PRDM11: variants seen among roughly 807,000 people sequenced by gnomAD.
PRDM11 encodes PR/SET domain 11, also known as PR domain-containing protein 11.
Under a neutral mutation model 97.8 loss-of-function variants are expected in PRDM11, and 20 were observed. That is an observed-to-expected ratio of 0.20 (90% CI 0.14 to 0.30). The LOEUF (loss-of-function observed/expected upper bound fraction) is 0.30, where lower values mean the gene tolerates loss of function less well. Among genes scored for constraint, PRDM11 ranks in the 10% least tolerant of loss-of-function variants. The pLI, the probability that PRDM11 is intolerant of heterozygous loss-of-function variation, is 1.00. For synonymous variants in PRDM11, 599 were observed against 637.7 expected, an observed-to-expected ratio of 0.94 and a Z score of 0.91; for missense variants, 1,139 against 1,555.2, an observed-to-expected ratio of 0.73 and a Z score of 4.50.
At chr11:45,212,876 C>A in intron 5 of PRDM11, 1 of 432,606 alleles carries the variant, frequency 2.3e-6, no homozygotes, top group South Asian at 1.7e-5. Flanking sequence ...GACAGAGATC[C>A]GGGATGGGGT....
intron 1 of PRDM11, among the ~76,000 whole-genome samples, chr11:45,123,710 GT>G (rs1290417753): frequency 2.0e-5 from 3 of 150,526 alleles, no homozygotes; most frequent in African/African-American, 4.8e-5. Flanking sequence ...CTATATCTCT[GT>G]TTTGGTACCA....
chr11:45,128,055 G>A (rs891515247), intron 1 of PRDM11, among the ~76,000 whole-genome samples: 2 of 152,184 alleles, frequency 1.3e-5, no homozygotes, highest in Non-Finnish European at 2.9e-5. Context: ...AATGGCAGGC[G>A]CCCCTCCCCC....
chr11:45,183,997 A>T (rs1370291664), intron 4 of PRDM11, among the ~76,000 whole-genome samples: 1 of 152,222 alleles, frequency 6.6e-6, no homozygotes, highest in Non-Finnish European at 1.5e-5. Context: ...TCTGAGGGTG[A>T]TGGAGAAACA....
intron 1 of PRDM11, among the ~76,000 whole-genome samples, chr11:45,097,900 G>A (rs1031363088): frequency 3.3e-5 from 5 of 152,246 alleles, no homozygotes; most frequent in Non-Finnish European, 7.3e-5. Context: ...TTGGAAGGCA[G>A]GGGAAAGAGC....
intron 1 of PRDM11, among the ~76,000 whole-genome samples, chr11:45,140,160 T>C (rs2135665206): frequency 6.6e-6 from 1 of 152,376 alleles, no homozygotes; most frequent in East Asian, 1.9e-4. Context: ...TTAAATTGAA[T>C]AGCTTTAGCT....
chr11:45,221,207 GACCCCATAAACAT>G (rs1303542914), intron 6 of PRDM11, among the ~76,000 whole-genome samples: 1 of 152,162 alleles, frequency 6.6e-6, no homozygotes, highest in African/African-American at 2.4e-5. Context: ...AGTAAAAGGA[GACCCCATAAACAT>G]ACTCATTTCT....
intron 1 of PRDM11, among the ~76,000 whole-genome samples, chr11:45,104,882 G>A (rs372452535): frequency 1.4e-4 from 21 of 152,258 alleles, no homozygotes; most frequent in East Asian, 9.7e-4. Context: ...CTTCCTTCAC[G>A]GAGCTCCTGG....
chr11:45,126,036 C>A lies in PRDM11; in HGVS notation c.96+30135C>A, dbSNP rs1435732671. Among the ~76,000 whole-genome samples, 42 of 152,270 alleles carry A rather than the reference C, an allele frequency of 2.8e-4. 1 individual carries two copies. The South Asian group carries it at 8.5e-3, about 31-fold the overall frequency. ...AATCTGGGTGCTCCTGTATTGGGTG[C>A]ATATATATTTAGGATAGTTAGCTCT... On this transcript the variant is annotated intron_variant, in intron 1 of 6. Transcript: ENST00000530656.
intron 6 of PRDM11, among the ~76,000 whole-genome samples, chr11:45,222,873 G>GT (rs1276922322): frequency 6.6e-6 from 1 of 152,174 alleles, no homozygotes; most frequent in Non-Finnish European, 1.5e-5. Context: ...CCTGCACCTG[G>GT]TCTAGGAAAC....
chr11:45,234,579 G>A lies in PRDM11; in HGVS notation c.*6420G>A, dbSNP rs1397852074. On this transcript the variant is annotated 3_prime_UTR_variant, in exon 8 of 8. Coordinates refer to ENST00000683152, the MANE Select transcript of PRDM11 (RefSeq NM_001384648.1). ...CAGTGGACTAGACCCACGGCCAGGG[G>A]ATGGGCATCCCCAGGTAGCAATCCC... 2 of 152,346 alleles carry A rather than the reference G, an allele frequency of 1.3e-5. No homozygotes were observed. The highest frequency in any genetic ancestry group is 2.9e-5 in the Non-Finnish European group (2 of 68,188). The allele number at this position is 152,346 out of a possible 1,614,324, so 9.4% of individuals were successfully genotyped here.
In PRDM11 at chr11:45,235,031, A is replaced by G. The variant is rs1565365570; in HGVS notation, c.*6872A>G. 1.3e-5 allele frequency: 2 copies of G among 152,248 alleles called. No individual in the cohort carries two copies. The highest frequency in any genetic ancestry group is 2.9e-5 in the Non-Finnish European group (2 of 68,042). 9.4% of individuals were successfully genotyped at this position (152,248 alleles called of 1,614,324 possible). A position where few individuals can be genotyped will look rare whatever the true frequency, so the allele number is the denominator to read the frequency against. ...AAATAGAGCTATGTTGGTTTATCAT[A>G]ATATGTACGCAGAAACTTTCTTTTT... On this transcript the variant is annotated 3_prime_UTR_variant, in exon 8 of 8. Coordinates refer to ENST00000683152, the MANE Select transcript of PRDM11 (RefSeq NM_001384648.1).
chr11:45,097,528 C>G (rs1226337172), intron 1 of PRDM11, among the ~76,000 whole-genome samples: 2 of 150,528 alleles, frequency 1.3e-5, no homozygotes, highest in African/African-American at 5.0e-5. Flanking sequence ...GAACAAATCA[C>G]TCAAGATCAC....
intron 5 of PRDM11, among the ~76,000 whole-genome samples, chr11:45,217,311 T>G (rs1853984327): frequency 6.6e-6 from 1 of 152,180 alleles, no homozygotes; most frequent in African/African-American, 2.4e-5. Context: ...TCTTTTCCTT[T>G]CTCTTAAGTC....
chr11:45,184,540 G>A (rs1330593769), intron 4 of PRDM11, among the ~76,000 whole-genome samples: 4 of 152,220 alleles, frequency 2.6e-5, no homozygotes, highest in African/African-American at 9.7e-5. Flanking sequence ...GTATCAGAGA[G>A]GAGAGCTCTG....
chr11:45,124,291 G>C (rs751203882), intron 1 of PRDM11, among the ~76,000 whole-genome samples: 5 of 152,290 alleles, frequency 3.3e-5, no homozygotes, highest in Middle Eastern at 3.4e-3. Flanking sequence ...TCTTCAAACA[G>C]GGACAATTTG....
At chr11:45,156,474 T>C (rs930417792) in intron 1 of PRDM11, among the ~76,000 whole-genome samples, 6 of 152,320 alleles carry the variant, frequency 3.9e-5, no homozygotes, top group African/African-American at 1.4e-4. Context: ...GAGACCGTGG[T>C]CCGCAGACCT....
intron 1 of PRDM11, among the ~76,000 whole-genome samples, chr11:45,163,427 C>T (rs1851978183): frequency 6.6e-6 from 1 of 152,218 alleles, no homozygotes; most frequent in Non-Finnish European, 1.5e-5. Flanking sequence ...TTCTGAGGAG[C>T]CCTCCTCTGC....
intron 1 of PRDM11, among the ~76,000 whole-genome samples, chr11:45,172,000 C>A (rs1184855787): frequency 6.6e-6 from 1 of 152,232 alleles, no homozygotes; most frequent in East Asian, 1.9e-4. Flanking sequence ...TCAATTCAGA[C>A]ACTGGTCATA....
At position 45,232,460 on chromosome 11, in the gene PRDM11, G is replaced by A. The variant is rs1011093161; in HGVS notation, c.*4301G>A. On this transcript the variant is annotated 3_prime_UTR_variant, in exon 8 of 8. Coordinates refer to ENST00000683152, the MANE Select transcript of PRDM11 (RefSeq NM_001384648.1). ...AATTCATGCTTTTTCTTGGCCCATA[G>A]GTCCAATTTTGGCAGAAGGCATTGG... 6.6e-6 allele frequency: 1 copy of A among 152,286 alleles called. No individual in the cohort carries two copies. Among genetic ancestry groups the A allele is most frequent in the Non-Finnish European group, 1.5e-5 (1 of 68,094 alleles). The allele number at this position is 152,286 out of a possible 1,614,324, so 9.4% of individuals were successfully genotyped here.
Sources: gnomAD v4.1 joint callset for allele counts (sites outside exome capture counted in the v4.1 genomes callset) on GRCh38, gnomAD v4.1.1 for gene constraint, MANE v1.5 for transcripts, NCBI Gene and HGNC (gene_info 2026-07-23, HGNC 2026-07-21) for gene names.